SGCZ: variants seen among roughly 807,000 people sequenced by gnomAD.
The protein encoded by SGCZ is zeta-sarcoglycan.
SGCZ carries 40 observed loss-of-function variants against 41.3 expected under a neutral mutation model. The observed-to-expected ratio is 0.97, with a 90% CI of 0.75 to 1.26. SGCZ has a LOEUF of 1.26. SGCZ is among the 50% of genes most tolerant of loss of function. The pLI, the probability that SGCZ is intolerant of heterozygous loss-of-function variation, is 0.00. For synonymous variants in SGCZ, 206 were observed against 137.5 expected, an observed-to-expected ratio of 1.50 and a Z score of -3.49; for missense variants, 552 against 369.8, an observed-to-expected ratio of 1.49 and a Z score of -4.04.
intron 1 of SGCZ, among the ~76,000 whole-genome samples, chr8:15,097,335 T>C (rs941420195): frequency 1.3e-5 from 2 of 152,158 alleles, no homozygotes; most frequent in Non-Finnish European, 2.9e-5. Flanking sequence ...CCAAACTCTT[T>C]ACCTGCAGTA....
chr8:14,411,576 C>T (rs749209641), intron 2 of SGCZ, among the ~76,000 whole-genome samples: 7 of 152,010 alleles, frequency 4.6e-5, no homozygotes, highest in Admixed American at 6.6e-5. Flanking sequence ...TCCAAAGTAC[C>T]TCCCCAAACC....
At chr8:14,512,178 T>A (rs1192045529) in intron 2 of SGCZ, among the ~76,000 whole-genome samples, 1 of 152,138 alleles carries the variant, frequency 6.6e-6, no homozygotes, top group Non-Finnish European at 1.5e-5. Context: ...ATAATCTGAG[T>A]AAGTTGGATG....
intron 2 of SGCZ, among the ~76,000 whole-genome samples, chr8:14,333,743 C>T (rs557046916): frequency 1.3e-5 from 2 of 151,398 alleles, no homozygotes; most frequent in South Asian, 2.1e-4. Context: ...TTTAAATACA[C>T]CAGGGAAATA....
intron 1 of SGCZ, among the ~76,000 whole-genome samples, chr8:14,679,087 C>T (rs1175185299): frequency 2.6e-5 from 4 of 152,092 alleles, no homozygotes; most frequent in Non-Finnish European, 5.9e-5. Flanking sequence ...ACTCATAGTG[C>T]ATGGCACATG....
At chr8:14,226,996 C>G (rs940972283) in intron 4 of SGCZ, among the ~76,000 whole-genome samples, 1 of 151,996 alleles carries the variant, frequency 6.6e-6, no homozygotes, top group Non-Finnish European at 1.5e-5. Flanking sequence ...ATACATTTAC[C>G]TATAATACTC....
At chr8:14,843,452 G>C (rs1022915135) in intron 1 of SGCZ, among the ~76,000 whole-genome samples, 1 of 152,084 alleles carries the variant, frequency 6.6e-6, no homozygotes, top group Non-Finnish European at 1.5e-5. Context: ...GTACCTTGTA[G>C]AATGTCTGGA....
chr8:14,737,408 T>G (rs531909932), intron 1 of SGCZ, among the ~76,000 whole-genome samples: 16 of 152,198 alleles, frequency 1.1e-4, no homozygotes, highest in African/African-American at 2.6e-4. Flanking sequence ...AAGTTGTACC[T>G]TTTTTATTGT....
Position 14,090,350 on chromosome 8 carries a change from G to T in SGCZ, c.*93C>A. On this transcript the variant is annotated 3_prime_UTR_variant, in exon 8 of 8. Coordinates refer to ENST00000382080, the MANE Select transcript of SGCZ (RefSeq NM_139167.4). ...GTTGCTCTGTGGACCATTCGAAGAA[G>T]CTCTGGACTGATCACAAGGGAAACC... 7.2e-7 allele frequency: 1 copy of T among 1,386,736 alleles called. No individual in the cohort carries two copies. The allele number at this position is 1,386,736 out of a possible 1,614,324, so 85.9% of individuals were successfully genotyped here.
intron 1 of SGCZ, among the ~76,000 whole-genome samples, chr8:14,965,593 G>A (rs1451942736): frequency 6.6e-6 from 1 of 152,142 alleles, no homozygotes; most frequent in Non-Finnish European, 1.5e-5. Flanking sequence ...CAAAGGCTGT[G>A]AGCAATAGAG....
chr8:14,093,638 C>T (rs944108211), intron 7 of SGCZ, among the ~76,000 whole-genome samples: 1 of 152,008 alleles, frequency 6.6e-6, no homozygotes, highest in Non-Finnish European at 1.5e-5. Context: ...TAGCTTTCCA[C>T]TTTTTTGATG....
At chr8:14,380,367 A>C (rs1241761635) in intron 2 of SGCZ, among the ~76,000 whole-genome samples, 2 of 152,178 alleles carry the variant, frequency 1.3e-5, no homozygotes, top group African/African-American at 4.8e-5. Context: ...CTAGTGTTGA[A>C]TGTCATAGAT....
intron 1 of SGCZ, among the ~76,000 whole-genome samples, chr8:14,742,397 G>A (rs1799220577): frequency 6.6e-6 from 1 of 152,014 alleles, no homozygotes; most frequent in Non-Finnish European, 1.5e-5. Context: ...GTCTTATTGT[G>A]CACATTGCCT....
At chr8:14,376,697 A>G (rs1804144612) in intron 2 of SGCZ, among the ~76,000 whole-genome samples, 1 of 152,232 alleles carries the variant, frequency 6.6e-6, no homozygotes, top group South Asian at 2.1e-4. Flanking sequence ...CATAATATGA[A>G]TATCTAATTC....
chr8:15,234,366 T>A (rs2117215594), intron 1 of SGCZ, among the ~76,000 whole-genome samples: 1 of 152,336 alleles, frequency 6.6e-6, no homozygotes, highest in East Asian at 1.9e-4. Context: ...GATTTTTTGA[T>A]GTTTCTTCTT....
chr8:15,235,681 T>A (rs1802097588), intron 1 of SGCZ, among the ~76,000 whole-genome samples: 1 of 152,178 alleles, frequency 6.6e-6, no homozygotes, highest in Non-Finnish European at 1.5e-5. Context: ...CAACAATGTA[T>A]TGGCACTGGG....
intron 1 of SGCZ, among the ~76,000 whole-genome samples, chr8:14,929,111 C>T (rs1585387410): frequency 6.6e-6 from 1 of 152,130 alleles, no homozygotes; most frequent in Non-Finnish European, 1.5e-5. Context: ...CCTGCCTCAG[C>T]CTCCTGAGTA....
chr8:14,144,231 T>C (rs767654507), intron 5 of SGCZ, among the ~76,000 whole-genome samples: 3 of 152,238 alleles, frequency 2.0e-5, no homozygotes, highest in Non-Finnish European at 4.4e-5. Context: ...TGAGACCCCA[T>C]CCTTCCACTT....
chr8:14,937,314 C>A (rs1374394532), intron 1 of SGCZ, among the ~76,000 whole-genome samples: 1 of 151,900 alleles, frequency 6.6e-6, no homozygotes, highest in East Asian at 1.9e-4. Context: ...AGATAACTCA[C>A]CAACATCAAA....
intron 7 of SGCZ, 58 bp from the exon 8 acceptor site, chr8:14,090,695 C>A: frequency 1.4e-6 from 2 of 1,426,762 alleles, no homozygotes; most frequent in Non-Finnish European, 1.9e-6. Context: ...ATCGAGTAAT[C>A]TACATCCCTC....
Sources: gnomAD v4.1 joint callset for allele counts (sites outside exome capture counted in the v4.1 genomes callset) on GRCh38, gnomAD v4.1.1 for gene constraint, MANE v1.5 for transcripts, NCBI Gene and HGNC (gene_info 2026-07-23, HGNC 2026-07-21) for gene names.